Variants in FRMPD1 observed in about 807,000 individuals in gnomAD.
FRMPD1 encodes the protein FERM and PDZ domain-containing protein 1.
Under a neutral mutation model 117.8 loss-of-function variants are expected in FRMPD1, and 76 were observed. The observed-to-expected ratio is 0.65, with a 90% confidence interval of 0.54 to 0.78. The LOEUF (loss-of-function observed/expected upper bound fraction) is 0.78, where lower values mean the gene tolerates loss of function less well. Ranked by LOEUF, FRMPD1 falls within the 30% of genes least tolerant of loss-of-function variation. FRMPD1 has a pLI of 0.00. For synonymous variants in FRMPD1, 783 were observed against 770.4 expected (o/e 1.02, Z -0.27); for missense variants, 1,786 against 1,964.5 (o/e 0.91, Z 1.72).
At chr9:37,710,959 CAA>C (rs33962036) in intron 4 of FRMPD1, among the ~76,000 whole-genome samples, 25,459 of 107,094 alleles carry the variant, frequency 0.24, 1,582 homozygotes, top group East Asian at 0.32. Context: ...CTCTGTCTCA[CAA>C]AAAAAAAAAA....
chr9:37,630,407 G>A, the FRMPD1 span, among the ~76,000 whole-genome samples: 1 of 151,678 alleles, frequency 6.6e-6, no homozygotes, highest in Non-Finnish European at 1.5e-5. Context: ...TATGAGACAG[G>A]GTTTCGCTCT....
chr9:37,729,599 T>TG, intron 7 of FRMPD1, 129 bp from the exon 8 acceptor site: 1 of 908,062 alleles, frequency 1.1e-6, no homozygotes, highest in Admixed American at 2.1e-5. Context: ...GACCAGACTC[T>TG]GGCGTAAGTC....
chr9:37,651,963 G>T, intron 1 of FRMPD1, among the ~76,000 whole-genome samples: 1 of 152,208 alleles, frequency 6.6e-6, no homozygotes, highest in East Asian at 1.9e-4. Flanking sequence ...AATAAAGGAG[G>T]CATTTGCAGT....
At chr9:37,716,882 C>T (rs893482615) in intron 5 of FRMPD1, among the ~76,000 whole-genome samples, 1 of 152,150 alleles carries the variant, frequency 6.6e-6, no homozygotes, top group Non-Finnish European at 1.5e-5. Context: ...ATTCTTGCTG[C>T]CTGATATCTG....
chr9:37,636,415 T>A, the FRMPD1 span, among the ~76,000 whole-genome samples: 1 of 152,024 alleles, frequency 6.6e-6, no homozygotes, highest in Non-Finnish European at 1.5e-5. Context: ...GAAAGGTGTG[T>A]AGGGGGGGCA....
rs1160541777 is a variant in FRMPD1 at position 37,727,757 on chromosome 9, GA to G, written c.613-1970del. Among the ~76,000 whole-genome samples the G allele has an allele frequency of 3.3e-5, 5 of 152,136 alleles. No homozygotes were observed. The East Asian group carries it at 9.7e-4, about 29-fold the overall frequency. On this transcript the variant is annotated intron_variant, in intron 7 of 15. Coordinates refer to ENST00000377765, the MANE Select transcript of FRMPD1 (RefSeq NM_014907.3). ...AGGGCTCCGAATCAGGAGTCATGAGGAGGGAGGAAATGGACCCTTCAGGACT... is the reference window on the plus strand; with the variant it reads ...AGGGCTCCGAATCAGGAGTCATGAGGGGGAGGAAATGGACCCTTCAGGACT...
intron 1 of FRMPD1, among the ~76,000 whole-genome samples, chr9:37,660,632 T>C (rs1387688300): frequency 6.6e-6 from 1 of 152,246 alleles, no homozygotes; most frequent in Non-Finnish European, 1.5e-5. Context: ...GCTTGTTTGG[T>C]ATAGCCACTT....
At chr9:37,697,977 T>C (rs1420537507) in intron 2 of FRMPD1, among the ~76,000 whole-genome samples, 2 of 152,296 alleles carry the variant, frequency 1.3e-5, no homozygotes, top group South Asian at 2.1e-4. Flanking sequence ...TAGCTGGGCA[T>C]TGTGGCGCGT....
the FRMPD1 span, chr9:37,637,172 A>G: frequency 8.7e-6 from 14 of 1,610,032 alleles, no homozygotes; most frequent in African/African-American, 5.3e-5. Context: ...GTCCACCCCG[A>G]TGGTGCTGAT....
intron 2 of FRMPD1, chr9:37,693,042 G>T (rs1207695475): frequency 3.7e-5 from 16 of 433,722 alleles, no homozygotes; most frequent in Non-Finnish European, 5.5e-5. Context: ...ATACTCATAC[G>T]CACATGCATA....
At chr9:37,655,031 A>G (rs1192908270) in intron 1 of FRMPD1, among the ~76,000 whole-genome samples, 1 of 152,158 alleles carries the variant, frequency 6.6e-6, no homozygotes, top group African/African-American at 2.4e-5. Context: ...AGGGAAAGCA[A>G]GAGTGGAGCT....
intron 1 of FRMPD1, among the ~76,000 whole-genome samples, chr9:37,680,786 A>G (rs1417254285): frequency 6.6e-6 from 1 of 152,202 alleles, no homozygotes; most frequent in Non-Finnish European, 1.5e-5. Context: ...CCTTTCAGGT[A>G]TTCAATGCCC....
At chr9:37,641,564 A>G in the FRMPD1 span, among the ~76,000 whole-genome samples, 1 of 152,122 alleles carries the variant, frequency 6.6e-6, no homozygotes, top group Non-Finnish European at 1.5e-5. Context: ...TCCTTTCCAG[A>G]ACATCCCCCT....
At chr9:37,743,646 C>G (rs536831614) in intron 15 of FRMPD1, among the ~76,000 whole-genome samples, 1 of 146,168 alleles carries the variant, frequency 6.8e-6, no homozygotes, top group African/African-American at 2.5e-5. Context: ...CCAGCAGACT[C>G]TAACCATTGG....
chr9:37,631,080 G>A, the FRMPD1 span, among the ~76,000 whole-genome samples: 2 of 152,234 alleles, frequency 1.3e-5, no homozygotes, highest in African/African-American at 2.4e-5. Flanking sequence ...GTCTGCACTT[G>A]TTGGGTGTCA....
intron 13 of FRMPD1, 64 bp from the exon 14 acceptor site, chr9:37,737,032 G>A: frequency 1.5e-6 from 2 of 1,308,288 alleles, no homozygotes; most frequent in Non-Finnish European, 2.2e-6. Flanking sequence ...ACATGGCTTT[G>A]TTGTCAGTCT....
chr9:37,637,088 C>A, the FRMPD1 span: 1 of 1,571,916 alleles, frequency 6.4e-7, no homozygotes. Flanking sequence ...GGTCCAGAAC[C>A]GTTCCTGGCC....
intron 10 of FRMPD1, among the ~76,000 whole-genome samples, chr9:37,732,966 A>G (rs1823955990): frequency 6.6e-6 from 1 of 152,118 alleles, no homozygotes; most frequent in African/African-American, 2.4e-5. Context: ...TATTTTTAAA[A>G]ATACAGCATA....
At chr9:37,675,881 G>A (rs1821511567) in intron 1 of FRMPD1, among the ~76,000 whole-genome samples, 1 of 152,200 alleles carries the variant, frequency 6.6e-6, no homozygotes, top group Non-Finnish European at 1.5e-5. Flanking sequence ...GAACTGGTGT[G>A]TGTTCACCTG....
Sources: gnomAD v4.1 joint callset for allele counts (sites outside exome capture counted in the v4.1 genomes callset) on GRCh38, gnomAD v4.1.1 for gene constraint, MANE v1.5 for transcripts, NCBI Gene and HGNC (gene_info 2026-07-23, HGNC 2026-07-21) for gene names.